DOK5: variants seen among roughly 807,000 people sequenced by gnomAD.
DOK5 encodes downstream of tyrosine kinase 5.
DOK5 carries 27 observed loss-of-function variants against 43.3 expected under a neutral mutation model. The ratio of observed to expected loss-of-function variants is 0.62; its 90% CI spans 0.46 to 0.86. The LOEUF is 0.86. Among genes scored for constraint, DOK5 ranks in the 40% least tolerant of loss-of-function variants. The probability of loss-of-function intolerance (pLI) is 0.00; values close to 1 mark genes in which losing one functional copy is unlikely to be tolerated. For synonymous variants in DOK5, 146 were observed against 140.1 expected, an observed-to-expected ratio of 1.04 and a Z score of -0.30; for missense variants, 373 against 392.9, an observed-to-expected ratio of 0.95 and a Z score of 0.43.
chr20:54,510,324 A>G (rs1858240170), intron 1 of DOK5, among the ~76,000 whole-genome samples: 1 of 152,198 alleles, frequency 6.6e-6, no homozygotes, highest in South Asian at 2.1e-4. Context: ...ATTTTAAAAT[A>G]TATGTACACT....
intron 6 of DOK5, among the ~76,000 whole-genome samples, chr20:54,628,259 A>G (rs1880704669): frequency 6.6e-6 from 1 of 151,890 alleles, no homozygotes; most frequent in Admixed American, 6.6e-5. Context: ...ATACAAAAAA[A>G]TTAGCCCGGC....
intron 1 of DOK5, among the ~76,000 whole-genome samples, chr20:54,540,416 G>A (rs936442304): frequency 6.6e-6 from 1 of 152,200 alleles, no homozygotes; most frequent in Non-Finnish European, 1.5e-5. Context: ...GAAACAAAAT[G>A]TGTTGCCCTT....
intron 1 of DOK5, among the ~76,000 whole-genome samples, chr20:54,493,870 T>C (rs1204935537): frequency 6.6e-6 from 1 of 152,058 alleles, no homozygotes; most frequent in African/African-American, 2.4e-5. Flanking sequence ...GCCCAGGAGT[T>C]GGAGGCTGCA....
chr20:54,639,756 A>G (rs994640379), intron 6 of DOK5, among the ~76,000 whole-genome samples: 11 of 152,270 alleles, frequency 7.2e-5, no homozygotes, highest in African/African-American at 2.6e-4. Context: ...AGCAAAACCA[A>G]TTTTCCCGTA....
At chr20:54,555,735 T>C (rs1600699659) in intron 2 of DOK5, among the ~76,000 whole-genome samples, 1 of 152,382 alleles carries the variant, frequency 6.6e-6, no homozygotes, top group East Asian at 1.9e-4. Flanking sequence ...TATTTTCATA[T>C]GGAGAAAATA....
chr20:54,628,952 G>A (rs1978441318), intron 6 of DOK5, among the ~76,000 whole-genome samples: 1 of 152,098 alleles, frequency 6.6e-6, no homozygotes, highest in African/African-American at 2.4e-5. Context: ...GAGACCATTT[G>A]GTCTGAGTCT....
intron 1 of DOK5, among the ~76,000 whole-genome samples, chr20:54,503,574 C>A (rs1011181800): frequency 6.6e-6 from 1 of 152,070 alleles, no homozygotes; most frequent in Non-Finnish European, 1.5e-5. Context: ...CTTACTACTT[C>A]ACTAAAATAA....
intron 6 of DOK5, among the ~76,000 whole-genome samples, chr20:54,613,173 C>T (rs1406271815): frequency 6.6e-6 from 1 of 150,630 alleles, no homozygotes; most frequent in African/African-American, 2.5e-5. Flanking sequence ...ACATCTAAGC[C>T]CATTTACATC....
At chr20:54,619,451 C>T (rs1986916658) in intron 6 of DOK5, among the ~76,000 whole-genome samples, 1 of 152,128 alleles carries the variant, frequency 6.6e-6, no homozygotes, top group Non-Finnish European at 1.5e-5. Context: ...TGGGATATTC[C>T]TCATTCCACG....
At chr20:54,518,275 TC>T (rs1281567965) in intron 1 of DOK5, among the ~76,000 whole-genome samples, 1 of 151,648 alleles carries the variant, frequency 6.6e-6, no homozygotes, top group Non-Finnish European at 1.5e-5. Flanking sequence ...CCCTCCCCCT[TC>T]CCCCCACCCC....
At chr20:54,643,793 G>C (rs567340173) in intron 7 of DOK5, among the ~76,000 whole-genome samples, 2 of 152,144 alleles carry the variant, frequency 1.3e-5, no homozygotes, top group Admixed American at 6.5e-5. Flanking sequence ...CACAGTGTCC[G>C]GGGGGAAGTC....
chr20:54,607,499 A>G (rs1325757142), intron 5 of DOK5, among the ~76,000 whole-genome samples: 4 of 151,878 alleles, frequency 2.6e-5, no homozygotes, highest in African/African-American at 7.3e-5. Flanking sequence ...GTTTAGTCCT[A>G]TAGTTTTGGT....
At chr20:54,604,992 A>G (rs527312488) in intron 5 of DOK5, among the ~76,000 whole-genome samples, 22 of 135,438 alleles carry the variant, frequency 1.6e-4, no homozygotes, top group African/African-American at 6.3e-4. Context: ...ACAGAGCAAG[A>G]CTGTGTCTCA....
Position 54,571,834 on chromosome 20 carries a change from T to C in DOK5, c.175-16649T>C, listed in dbSNP as rs935563333. ...CTCTGGTCCGTCTGCTCCAGCCTCA[T>C]GCTCATCAGTTTCCTGTTGCCAACT... On this transcript the variant is annotated intron_variant, in intron 2 of 7. Coordinates refer to ENST00000262593, the MANE Select transcript of DOK5 (RefSeq NM_018431.5). Among the ~76,000 whole-genome samples the C allele has an allele frequency of 3.2e-4, 48 of 152,342 alleles. 1 individual carries two copies. The highest frequency in any genetic ancestry group is 1.1e-3 in the African/African-American group (47 of 41,586).
At chr20:54,548,601 AT>A (rs1181705887) in intron 1 of DOK5, among the ~76,000 whole-genome samples, 1 of 152,242 alleles carries the variant, frequency 6.6e-6, no homozygotes, top group Admixed American at 6.5e-5. Flanking sequence ...TCTCTTTTAA[AT>A]AAAAATGTTA....
chr20:54,587,540 A>G (rs1985844570), intron 2 of DOK5, among the ~76,000 whole-genome samples: 1 of 152,212 alleles, frequency 6.6e-6, no homozygotes, highest in African/African-American at 2.4e-5. Flanking sequence ...AAAGCTATTG[A>G]TCTTGTAAAT....
intron 1 of DOK5, among the ~76,000 whole-genome samples, chr20:54,477,149 T>C (rs1981463666): frequency 6.6e-6 from 1 of 152,170 alleles, no homozygotes; most frequent in Admixed American, 6.5e-5. Flanking sequence ...GAGTGGTAAA[T>C]TGAATAGCTT....
intron 2 of DOK5, among the ~76,000 whole-genome samples, chr20:54,586,986 G>A (rs1985824113): frequency 6.6e-6 from 1 of 152,018 alleles, no homozygotes; most frequent in African/African-American, 2.4e-5. Flanking sequence ...TTTATGCACA[G>A]TAATATTTCA....
intron 1 of DOK5, among the ~76,000 whole-genome samples, chr20:54,510,264 G>T (rs61069893): frequency 6.6e-6 from 1 of 151,966 alleles, no homozygotes; most frequent in Non-Finnish European, 1.5e-5. Context: ...CCCTAGAAGG[G>T]GCTGTTTATC....
Sources: gnomAD v4.1 joint callset for allele counts (sites outside exome capture counted in the v4.1 genomes callset) on GRCh38, gnomAD v4.1.1 for gene constraint, MANE v1.5 for transcripts, NCBI Gene and HGNC (gene_info 2026-07-23, HGNC 2026-07-21) for gene names.